Variants in MED27 observed in about 807,000 individuals in gnomAD.
The protein encoded by MED27 is mediator of RNA polymerase II transcription subunit 27.
In MED27, 30 loss-of-function variants were observed where a neutral mutation model predicts 38.2. The observed-to-expected ratio is 0.79, with a 90% CI of 0.59 to 1.07. MED27 has a LOEUF of 1.07. Among genes scored for constraint, MED27 ranks in the 50% least tolerant of loss-of-function variants. The probability of loss-of-function intolerance (pLI) is 0.00; values close to 1 mark genes in which losing one functional copy is unlikely to be tolerated. For missense variants in MED27, 289 were observed against 397.5 expected, an observed-to-expected ratio of 0.73 and a Z score of 2.32; for synonymous variants, 122 against 153.5, an observed-to-expected ratio of 0.79 and a Z score of 1.52.
intron 3 of MED27, among the ~76,000 whole-genome samples, chr9:131,951,781 G>A (rs1176324039): frequency 6.6e-6 from 1 of 152,216 alleles, no homozygotes. Flanking sequence ...ACTTCTGTTT[G>A]TGTCTACAGA....
intron 4 of MED27, among the ~76,000 whole-genome samples, chr9:131,919,736 C>A (rs1005690197): frequency 6.6e-6 from 1 of 152,014 alleles, no homozygotes; most frequent in Non-Finnish European, 1.5e-5. Flanking sequence ...CACTATGTAC[C>A]CCATGAATTT....
chr9:131,933,812 C>T (rs187835928), intron 4 of MED27, among the ~76,000 whole-genome samples: 42 of 152,010 alleles, frequency 2.8e-4, no homozygotes, highest in Non-Finnish European at 1.2e-4. Flanking sequence ...CACAAAAGAT[C>T]CAGAATAGCA....
chr9:132,040,386 C>A (rs1260839236), intron 2 of MED27, among the ~76,000 whole-genome samples: 2 of 152,218 alleles, frequency 1.3e-5, no homozygotes, highest in Non-Finnish European at 2.9e-5. Flanking sequence ...CATTTATACA[C>A]AGAGAAATCT....
intron 3 of MED27, among the ~76,000 whole-genome samples, chr9:131,944,203 A>G (rs755609999): frequency 6.6e-6 from 1 of 152,094 alleles, no homozygotes; most frequent in Non-Finnish European, 1.5e-5. Context: ...GCTCCTTTCA[A>G]TGGCCTTAGT....
intron 2 of MED27, among the ~76,000 whole-genome samples, chr9:132,032,760 C>G (rs1179211306): frequency 1.3e-5 from 2 of 152,178 alleles, no homozygotes; most frequent in African/African-American, 4.8e-5. Flanking sequence ...AGTGATGGCT[C>G]TTGTCACCTA....
At chr9:131,934,507 T>C (rs894179807) in intron 4 of MED27, among the ~76,000 whole-genome samples, 4 of 152,038 alleles carry the variant, frequency 2.6e-5, no homozygotes, top group African/African-American at 9.7e-5. Context: ...AAAGAAGATA[T>C]ACAAATGGCA....
intron 5 of MED27, among the ~76,000 whole-genome samples, chr9:131,885,292 T>TG (rs1276589376): frequency 2.0e-5 from 3 of 152,260 alleles, no homozygotes; most frequent in Non-Finnish European, 4.4e-5. Context: ...CAAGGCTATC[T>TG]GGCGAGGCAT....
At position 131,884,605 on chromosome 9, in the gene MED27, CTT is replaced by C. The variant is rs11331082; in HGVS notation, c.682-508_682-507del. Among the ~76,000 whole-genome samples, 151 of 122,658 alleles carry C rather than the reference CTT, an allele frequency of 1.2e-3. 1 individual carries two copies. The highest frequency in any genetic ancestry group is 4.1e-3 in the African/African-American group (127 of 30,908). The allele number at this position is 122,658 out of a possible 152,430, so 80.5% of individuals were successfully genotyped here. On this transcript the variant is annotated intron_variant, in intron 5 of 7. Transcript: ENST00000292035. The stretch of plus-strand genomic sequence containing the variant: ...GTACCTGTTACCTTGATTCTCTTTA[CTT>C]TTTTTTTTTTTTTTTTTTGAGATGG...
At chr9:132,022,927 G>A (rs1244649690) in intron 2 of MED27, among the ~76,000 whole-genome samples, 2 of 152,138 alleles carry the variant, frequency 1.3e-5, no homozygotes, top group South Asian at 2.1e-4. Flanking sequence ...TGCCTCCCAT[G>A]AGATTCCTCC....
chr9:131,877,782 A>C (rs537496634), intron 6 of MED27, among the ~76,000 whole-genome samples: 11 of 152,288 alleles, frequency 7.2e-5, no homozygotes, highest in African/African-American at 2.6e-4. Flanking sequence ...GGATTTTTGA[A>C]TACTATTGGG....
chr9:131,904,102 T>C (rs553785266), intron 4 of MED27, among the ~76,000 whole-genome samples: 59 of 152,268 alleles, frequency 3.9e-4, no homozygotes, highest in African/African-American at 1.3e-3. Context: ...GGTTTCACCA[T>C]GTTGGTCAGG....
intron 4 of MED27, among the ~76,000 whole-genome samples, chr9:131,908,174 G>T (rs1830109920): frequency 1.2e-5 from 1 of 83,878 alleles, no homozygotes; most frequent in South Asian, 4.8e-4. Context: ...CAGGAGGTGA[G>T]GGGCGCCTCT....
chr9:132,044,607 T>C (rs1833291585), intron 2 of MED27, among the ~76,000 whole-genome samples: 1 of 152,260 alleles, frequency 6.6e-6, no homozygotes, highest in Non-Finnish European at 1.5e-5. Flanking sequence ...GTGTGTAAGC[T>C]AACTTTGTTT....
intron 3 of MED27, among the ~76,000 whole-genome samples, chr9:131,995,024 G>A (rs1044582498): frequency 2.6e-5 from 4 of 152,172 alleles, no homozygotes; most frequent in African/African-American, 9.7e-5. Context: ...AGGGCTTCAA[G>A]CAGTGCCCTT....
intron 2 of MED27, among the ~76,000 whole-genome samples, chr9:132,057,479 A>G (rs755878661): frequency 6.6e-6 from 1 of 152,236 alleles, no homozygotes; most frequent in Non-Finnish European, 1.5e-5. Flanking sequence ...GAGGGAACAG[A>G]GCTGGGCTGC....
chr9:132,042,882 A>G (rs1470568916), intron 2 of MED27, among the ~76,000 whole-genome samples: 1 of 152,220 alleles, frequency 6.6e-6, no homozygotes, highest in East Asian at 1.9e-4. Flanking sequence ...GTGATCACGT[A>G]CCAATTAATC....
chr9:131,955,860 T>C (rs1206430296), intron 3 of MED27, among the ~76,000 whole-genome samples: 1 of 152,036 alleles, frequency 6.6e-6, no homozygotes, highest in Non-Finnish European at 1.5e-5. Flanking sequence ...GAAAAAATAT[T>C]TCTCAACTCA....
intron 6 of MED27, chr9:131,869,230 G>C (rs969347984): frequency 2.0e-6 from 2 of 985,264 alleles, no homozygotes; most frequent in Non-Finnish European, 2.4e-6. Context: ...GCTGGTTTTG[G>C]AATTCCTCTG....
chr9:131,929,660 C>T (rs1934558621), intron 4 of MED27, among the ~76,000 whole-genome samples: 1 of 152,132 alleles, frequency 6.6e-6, no homozygotes, highest in African/African-American at 2.4e-5. Flanking sequence ...GTGGCGGTCA[C>T]TGGGAGAGGC....
Sources: gnomAD v4.1 joint callset for allele counts (sites outside exome capture counted in the v4.1 genomes callset) on GRCh38, gnomAD v4.1.1 for gene constraint, MANE v1.5 for transcripts, NCBI Gene and HGNC (gene_info 2026-07-23, HGNC 2026-07-21) for gene names.